UQCC1: variants seen among roughly 807,000 people sequenced by gnomAD.
UQCC1 encodes the protein ubiquinol-cytochrome c reductase complex assembly factor 1.
A neutral mutation model predicts 48.0 loss-of-function variants in UQCC1; 38 were observed. The observed-to-expected ratio is 0.79, with a 90% CI of 0.61 to 1.04. The LOEUF (loss-of-function observed/expected upper bound fraction) is 1.04, where lower values mean the gene tolerates loss of function less well. UQCC1 is among the 50% of genes least tolerant of loss of function. The pLI, the probability that UQCC1 is intolerant of heterozygous loss-of-function variation, is 0.00. For missense variants in UQCC1, 368 were observed against 381.8 expected, an observed-to-expected ratio of 0.96 and a Z score of 0.30; for synonymous variants, 111 against 129.2, an observed-to-expected ratio of 0.86 and a Z score of 0.95.
intron 6 of UQCC1, 63 bp from the exon 7 acceptor site, chr20:35,347,335 C>A: frequency 1.3e-6 from 2 of 1,590,504 alleles, no homozygotes; most frequent in Non-Finnish European, 1.7e-6. Context: ...CACATTTCCA[C>A]TGAAGGTCTC....
At chr20:35,404,306 T>C (rs1410049815) in intron 1 of UQCC1, among the ~76,000 whole-genome samples, 83 of 144,636 alleles carry the variant, frequency 5.7e-4, no homozygotes, top group African/African-American at 2.0e-3. Context: ...GGAGGCGGAG[T>C]TTGCAGTGAG....
chr20:35,402,611 AC>A (rs1355547113), intron 1 of UQCC1, among the ~76,000 whole-genome samples: 6 of 130,132 alleles, frequency 4.6e-5, no homozygotes, highest in African/African-American at 6.4e-5. Flanking sequence ...AAACAAACAA[AC>A]AAAATATATA....
intron 8 of UQCC1, 56 bp downstream of exon 8, chr20:35,314,622 GCTCTCATCAA>G: frequency 7.3e-7 from 1 of 1,373,080 alleles, no homozygotes; most frequent in Admixed American, 1.7e-5. Flanking sequence ...TCCCTCAGAG[GCTCTCATCAA>G]AAGCCTTTGC....
intron 6 of UQCC1, among the ~76,000 whole-genome samples, chr20:35,363,012 C>A (rs1318045074): frequency 1.4e-5 from 2 of 145,078 alleles, no homozygotes; most frequent in Non-Finnish European, 3.0e-5. Flanking sequence ...CTATTAAACT[C>A]CTTGCTCCTT....
intron 2 of UQCC1, among the ~76,000 whole-genome samples, chr20:35,390,196 G>A (rs1212802386): frequency 1.3e-5 from 2 of 152,114 alleles, no homozygotes; most frequent in Middle Eastern, 3.4e-3. Flanking sequence ...AGGCTGAGGC[G>A]GGCAGATCAC....
At chr20:35,353,798 A>T (rs534641169) in intron 6 of UQCC1, among the ~76,000 whole-genome samples, 1 of 152,292 alleles carries the variant, frequency 6.6e-6, no homozygotes, top group African/African-American at 2.4e-5. Context: ...TCTAAAAAAA[A>T]AAAAATTAGC....
intron 1 of UQCC1, among the ~76,000 whole-genome samples, chr20:35,407,939 T>C (rs2062277295): frequency 6.6e-6 from 1 of 152,158 alleles, no homozygotes; most frequent in Non-Finnish European, 1.5e-5. Context: ...GGAGAATCAC[T>C]TGAACTCAGG....
At chr20:35,360,752 G>A (rs1050469505) in intron 6 of UQCC1, among the ~76,000 whole-genome samples, 2 of 152,090 alleles carry the variant, frequency 1.3e-5, no homozygotes. Context: ...AGGTTTACCT[G>A]TGGCCTCTCC....
At chr20:35,315,989 A>G (rs1007335498) in intron 7 of UQCC1, among the ~76,000 whole-genome samples, 1 of 152,202 alleles carries the variant, frequency 6.6e-6, no homozygotes, top group African/African-American at 2.4e-5. Context: ...CCTGGCCTGG[A>G]GGATCTTCAG....
intron 7 of UQCC1, among the ~76,000 whole-genome samples, 179 bp from the exon 8 acceptor site, chr20:35,314,944 A>G (rs1276064403): frequency 1.3e-5 from 2 of 152,208 alleles, no homozygotes; most frequent in Admixed American, 1.3e-4. Flanking sequence ...CCAATTTGCC[A>G]AATTCTTTTA....
intron 6 of UQCC1, among the ~76,000 whole-genome samples, chr20:35,354,358 A>G (rs1195796944): frequency 6.6e-6 from 1 of 152,058 alleles, no homozygotes; most frequent in African/African-American, 2.4e-5. Flanking sequence ...TTTAGAAGAC[A>G]TGGATTGACA....
At chr20:35,308,565 C>T (rs1052442582) in intron 8 of UQCC1, among the ~76,000 whole-genome samples, 6 of 152,242 alleles carry the variant, frequency 3.9e-5, no homozygotes, top group African/African-American at 1.4e-4. Flanking sequence ...TCAGGAATTC[C>T]TGAGCCATCA....
chr20:35,382,505 C>CTTTTTTCTTTTTTTTTTTTTTTT (rs1043035505), intron 3 of UQCC1, among the ~76,000 whole-genome samples: 1 of 136,222 alleles, frequency 7.3e-6, no homozygotes, highest in Non-Finnish European at 1.6e-5. Flanking sequence ...TTTTTTTTTT[C>CTTTTTTCTTTTTTTTTTTTTTTT]TTTTTTCTTT....
intron 1 of UQCC1, 94 bp from the exon 2 acceptor site, chr20:35,394,290 A>T (rs1407705378): frequency 4.4e-6 from 5 of 1,137,106 alleles, no homozygotes; most frequent in Non-Finnish European, 5.1e-6. Context: ...ATATAATTAG[A>T]AATATATATT....
intron 5 of UQCC1, among the ~76,000 whole-genome samples, chr20:35,373,707 A>G (rs1259651846): frequency 7.0e-6 from 1 of 142,904 alleles, no homozygotes. Flanking sequence ...AAAAAAAAAA[A>G]CCATCCAGAC....
At position 35,410,704 on chromosome 20, in the gene UQCC1, C is replaced by CAAAAAAAAAAAAAAAAAAAAAAAAAAAAA; in HGVS notation, c.24+1235_24+1236insTTTTTTTTTTTTTTTTTTTTTTTTTTTTT. On this transcript the variant is annotated intron_variant, in intron 1 of 9. Coordinates refer to ENST00000374385, the MANE Select transcript of UQCC1 (RefSeq NM_018244.5). ...TCGGCGACAGAGCAAGACTCTGCCT[C>CAAAAAAAAAAAAAAAAAAAAAAAAAAAAA]AAAAAAAAAAAAAAAAAAAACAAAA... Among the ~76,000 whole-genome samples the CAAAAAAAAAAAAAAAAAAAAAAAAAAAAA allele has an allele frequency of 6.6e-3, 18 of 2,708 alleles. 7 individuals are homozygous for CAAAAAAAAAAAAAAAAAAAAAAAAAAAAA. The highest frequency in any genetic ancestry group is 0.013 in the Admixed American group (2 of 154). The allele number at this position is 2,708 out of a possible 152,430, so 1.8% of individuals were successfully genotyped here.
chr20:35,358,509 C>A (rs2061572299), intron 6 of UQCC1, among the ~76,000 whole-genome samples: 2 of 151,938 alleles, frequency 1.3e-5, no homozygotes, highest in South Asian at 4.2e-4. Flanking sequence ...TATTACTAAG[C>A]ACCTACTCTG....
intron 8 of UQCC1, among the ~76,000 whole-genome samples, chr20:35,312,858 T>C (rs2061009288): frequency 6.6e-6 from 1 of 152,080 alleles, no homozygotes; most frequent in South Asian, 2.1e-4. Flanking sequence ...GTCAAATTCA[T>C]AGAGACATAA....
intron 1 of UQCC1, among the ~76,000 whole-genome samples, chr20:35,394,809 G>A (rs1296724717): frequency 6.6e-6 from 1 of 152,052 alleles, no homozygotes; most frequent in Non-Finnish European, 1.5e-5. Flanking sequence ...AGACCTCACA[G>A]CACCATCCAA....
Sources: gnomAD v4.1 joint callset for allele counts (sites outside exome capture counted in the v4.1 genomes callset) on GRCh38, gnomAD v4.1.1 for gene constraint, MANE v1.5 for transcripts, NCBI Gene and HGNC (gene_info 2026-07-23, HGNC 2026-07-21) for gene names.